BLTP3A: variants seen among roughly 807,000 people sequenced by gnomAD.
The protein encoded by BLTP3A is bridge-like lipid transfer protein family member 3A, also known as ICBP90 binding protein 1.
At chr6:34,859,123 G>C in the BLTP3A span, 3 of 1,614,180 alleles carry the variant, frequency 1.9e-6, no homozygotes, top group Non-Finnish European at 2.5e-6. Flanking sequence ...TGCCTCATCA[G>C]ACCAGGGCCC....
the BLTP3A span, among the ~76,000 whole-genome samples, chr6:34,818,481 G>GA: frequency 0.17 from 26,364 of 150,756 alleles, 2,607 homozygotes; most frequent in African/African-American, 0.26. Flanking sequence ...AAAAAAAAAA[G>GA]AAAAAAACGA....
the BLTP3A span, among the ~76,000 whole-genome samples, chr6:34,816,882 C>T: frequency 6.6e-6 from 1 of 152,196 alleles, no homozygotes; most frequent in African/African-American, 2.4e-5. Context: ...ACTAGTAGTA[C>T]TTCTGAACTA....
At chr6:34,857,768 A>G in the BLTP3A span, 1 of 1,614,154 alleles carries the variant, frequency 6.2e-7, no homozygotes, top group Non-Finnish European at 8.5e-7. Flanking sequence ...TCTGACATTT[A>G]CTATGGATCC....
At chr6:34,867,379 G>A in the BLTP3A span, 8 of 1,613,782 alleles carry the variant, frequency 5.0e-6, no homozygotes, top group Non-Finnish European at 6.8e-6. Context: ...TCTTTCACCC[G>A]GTCAGCAGCT....
chr6:34,847,214 A>G, the BLTP3A span, among the ~76,000 whole-genome samples: 4 of 150,884 alleles, frequency 2.7e-5, no homozygotes, highest in East Asian at 1.9e-4. Context: ...ATCGGCCTGT[A>G]GTTTTCTGTT....
At chr6:34,863,588 A>G in the BLTP3A span, among the ~76,000 whole-genome samples, 654 of 152,228 alleles carry the variant, frequency 4.3e-3, 6 homozygotes, top group African/African-American at 0.014. Context: ...TCATCAATTT[A>G]TCCGTCTCCC....
At chr6:34,854,748 G>A in the BLTP3A span, among the ~76,000 whole-genome samples, 27 of 152,256 alleles carry the variant, frequency 1.8e-4, no homozygotes, top group Middle Eastern at 0.024. Context: ...AGATATGCCA[G>A]CTTACACCTA....
At chr6:34,849,786 A>T in the BLTP3A span, among the ~76,000 whole-genome samples, 1 of 152,204 alleles carries the variant, frequency 6.6e-6, no homozygotes, top group Non-Finnish European at 1.5e-5. Flanking sequence ...TTTGTTTGCA[A>T]AAGTATTTCT....
chr6:34,821,696 C>T, the BLTP3A span: 1 of 1,614,020 alleles, frequency 6.2e-7, no homozygotes, highest in African/African-American at 1.3e-5. Context: ...CCTGAGCACC[C>T]TGAAAGGGGA....
the BLTP3A span, among the ~76,000 whole-genome samples, chr6:34,851,899 C>T: frequency 6.6e-6 from 1 of 152,192 alleles, no homozygotes; most frequent in Non-Finnish European, 1.5e-5. Context: ...TCCAGGACCA[C>T]CACTGCCCCA....
the BLTP3A span, among the ~76,000 whole-genome samples, chr6:34,805,214 G>A: frequency 6.6e-6 from 1 of 151,970 alleles, no homozygotes; most frequent in Non-Finnish European, 1.5e-5. Context: ...CTGAGAGGTC[G>A]AGGCTTCAGT....
At chr6:34,876,375 G>A in the BLTP3A span, 1 of 152,142 alleles carries the variant, frequency 6.6e-6, no homozygotes, top group African/African-American at 2.4e-5. Flanking sequence ...TAACTTAAAT[G>A]CTTCCATTTA....
the BLTP3A span, among the ~76,000 whole-genome samples, chr6:34,823,930 A>G: frequency 3.3e-5 from 5 of 150,068 alleles, no homozygotes; most frequent in Admixed American, 6.7e-5. Context: ...CAGAAACCAT[A>G]TGATTCCGCT....
the BLTP3A span, among the ~76,000 whole-genome samples, chr6:34,810,272 A>G: frequency 6.6e-6 from 1 of 152,226 alleles, no homozygotes; most frequent in Non-Finnish European, 1.5e-5. Context: ...ACTAAGCATC[A>G]TGAATAGTAC....
the BLTP3A span, among the ~76,000 whole-genome samples, chr6:34,792,705 C>T: frequency 6.6e-6 from 1 of 152,230 alleles, no homozygotes; most frequent in Admixed American, 6.5e-5. Flanking sequence ...GCTGTCTTCT[C>T]TCTGCTTTCT....
At chr6:34,856,875 C>T in the BLTP3A span, 25 of 1,614,086 alleles carry the variant, frequency 1.5e-5, no homozygotes, top group Non-Finnish European at 1.9e-5. Context: ...CAGCATGGAA[C>T]CGCTTACGCT....
At chr6:34,818,632 A>G in the BLTP3A span, among the ~76,000 whole-genome samples, 3 of 152,132 alleles carry the variant, frequency 2.0e-5, no homozygotes, top group Admixed American at 6.6e-5. Context: ...TCACCTCTCA[A>G]CTTGAGAAAT....
the BLTP3A span, chr6:34,873,333 G>C: frequency 6.6e-6 from 1 of 152,294 alleles, no homozygotes; most frequent in Non-Finnish European, 1.5e-5. Flanking sequence ...CTGTCTCCCT[G>C]GGGTCCCTGG....
At chr6:34,792,657 G>C in the BLTP3A span, among the ~76,000 whole-genome samples, 5 of 151,842 alleles carry the variant, frequency 3.3e-5, no homozygotes, top group African/African-American at 1.2e-4. Context: ...CCGTCTTTCC[G>C]AGGCCCCCAC....
Sources: gnomAD v4.1 joint callset for allele counts (sites outside exome capture counted in the v4.1 genomes callset) on GRCh38, gnomAD v4.1.1 for gene constraint, MANE v1.5 for transcripts, NCBI Gene and HGNC (gene_info 2026-07-23, HGNC 2026-07-21) for gene names.